AK7: variants seen among roughly 807,000 people sequenced by gnomAD.
The protein encoded by AK7 is adenylate kinase 7.
AK7 carries 78 observed loss-of-function variants against 96.6 expected under a neutral mutation model. The ratio of observed to expected loss-of-function variants is 0.81; its 90% CI spans 0.67 to 0.97. The LOEUF is 0.97. Among genes scored for constraint, AK7 ranks in the 50% least tolerant of loss-of-function variants. AK7 has a pLI of 0.00. For synonymous variants in AK7, 302 were observed against 317.2 expected, an observed-to-expected ratio of 0.95 and a Z score of 0.51; for missense variants, 855 against 887.9, an observed-to-expected ratio of 0.96 and a Z score of 0.47.
chr14:96,469,127 G>A (rs1368644366), intron 12 of AK7, among the ~76,000 whole-genome samples: 2 of 152,190 alleles, frequency 1.3e-5, no homozygotes, highest in African/African-American at 2.4e-5. Flanking sequence ...GAGTGGCTAA[G>A]CTCAGGGCCT....
chr14:96,482,103 G>A (rs939215534), intron 15 of AK7, among the ~76,000 whole-genome samples: 9 of 152,222 alleles, frequency 5.9e-5, no homozygotes, highest in South Asian at 4.1e-4. Flanking sequence ...TCTAGGTCAA[G>A]GTCATACAAA....
chr14:96,471,950 C>T (rs577252884), intron 13 of AK7, among the ~76,000 whole-genome samples: 1 of 152,262 alleles, frequency 6.6e-6, no homozygotes, highest in African/African-American at 2.4e-5. Context: ...AGAGCTTATG[C>T]ATCTTGCCTG....
chr14:96,421,029 AG>A (rs1319643175), intron 5 of AK7, 97 bp downstream of exon 5: 1 of 822,640 alleles, frequency 1.2e-6, no homozygotes, highest in Non-Finnish European at 2.0e-6. Flanking sequence ...TCTGAGCTTT[AG>A]GCTCACCCCA....
chr14:96,444,722 T>C (rs925882007), intron 7 of AK7, among the ~76,000 whole-genome samples: 1 of 152,042 alleles, frequency 6.6e-6, no homozygotes, highest in Non-Finnish European at 1.5e-5. Flanking sequence ...TTTCCTTTTT[T>C]TTTTTTTCCT....
chr14:96,418,916 T>C (rs895678547), intron 4 of AK7, among the ~76,000 whole-genome samples: 1 of 152,248 alleles, frequency 6.6e-6, no homozygotes, highest in Non-Finnish European at 1.5e-5. Flanking sequence ...CTTAGACCAA[T>C]GTATTGTGAT....
chr14:96,483,377 A>G (rs1019324022), intron 16 of AK7, among the ~76,000 whole-genome samples, 158 bp downstream of exon 16: 8 of 150,850 alleles, frequency 5.3e-5, no homozygotes, highest in African/African-American at 1.7e-4. Flanking sequence ...CATTTGTACC[A>G]TTTAAAAAAG....
At chr14:96,471,396 A>ATT in intron 12 of AK7, 82 bp from the exon 13 acceptor site, 1 of 852,168 alleles carries the variant, frequency 1.2e-6, no homozygotes, top group Non-Finnish European at 1.6e-6. Context: ...CTACACAACA[A>ATT]TTTTTGAGAT....
At chr14:96,449,764 C>T in intron 8 of AK7, 38 bp from the exon 9 acceptor site, 1 of 1,504,976 alleles carries the variant, frequency 6.6e-7, no homozygotes, top group African/African-American at 1.4e-5. Flanking sequence ...TAAAACCTTC[C>T]AGGTAAACCA....
chr14:96,451,028 T>C (rs985431892), intron 9 of AK7, among the ~76,000 whole-genome samples: 1 of 148,654 alleles, frequency 6.7e-6, no homozygotes, highest in Non-Finnish European at 1.5e-5. Context: ...CCCGCCTTGG[T>C]CTCCCAAAGT....
At chr14:96,398,449 C>G (rs139112163) in intron 2 of AK7, 186 bp downstream of exon 2, 9 of 636,086 alleles carry the variant, frequency 1.4e-5, no homozygotes, top group Non-Finnish European at 1.9e-5. Flanking sequence ...AATTTTCGGC[C>G]AAAGCAAAGA....
chr14:96,448,533 G>T (rs1893377045), intron 8 of AK7, among the ~76,000 whole-genome samples: 1 of 149,946 alleles, frequency 6.7e-6, no homozygotes, highest in African/African-American at 2.4e-5. Flanking sequence ...GAGAGGCTAA[G>T]GTGCGAGGAT....
chr14:96,422,466 G>A (rs1279623357), intron 5 of AK7, among the ~76,000 whole-genome samples: 2 of 152,236 alleles, frequency 1.3e-5, no homozygotes, highest in African/African-American at 2.4e-5. Flanking sequence ...ATGGCAAGAT[G>A]AGGGTGTTTA....
At chr14:96,487,763 T>C (rs1895856820) in intron 17 of AK7, among the ~76,000 whole-genome samples, 1 of 152,002 alleles carries the variant, frequency 6.6e-6, no homozygotes, top group Non-Finnish European at 1.5e-5. Flanking sequence ...CCAGTTGAGA[T>C]AGCAAAATTA....
intron 6 of AK7, among the ~76,000 whole-genome samples, chr14:96,441,076 A>G (rs928222199): frequency 6.6e-6 from 1 of 152,166 alleles, no homozygotes; most frequent in Non-Finnish European, 1.5e-5. Context: ...GCTGTTCGAC[A>G]TGAGGGAAGG....
Position 96,446,514 on chromosome 14 carries a change from CAG to C in AK7, c.780_781del. 2 of 1,613,734 alleles carry C rather than the reference CAG, an allele frequency of 1.2e-6. No homozygotes were observed. The highest frequency in any genetic ancestry group is 8.5e-7 in the Non-Finnish European group (1 of 1,179,664). ...GATGATTATTTTACCTGTGGGTCTG[CAG>C]AGTGATACAAAACGTCATAGATCAC... On this transcript the variant is annotated splice_acceptor_variant, in intron 7 of 17. Transcript: ENST00000267584. LOFTEE classifies it high-confidence loss of function.
In AK7 at chr14:96,458,064, A is replaced by G. The variant is rs370530340; in HGVS notation, c.1228-19A>G. On this transcript the variant is annotated intron_variant, in intron 11 of 17. Transcript: ENST00000267584. ...GGATGTGGGGCATCATCCAATGTGA[A>G]TATCCCTGTGGTATGCAGGAGGCGA... 4 of 1,610,464 alleles carry G rather than the reference A, an allele frequency of 2.5e-6. No individual in the cohort carries two copies. The highest frequency in any genetic ancestry group is 3.4e-6 in the Non-Finnish European group (4 of 1,178,512).
chr14:96,423,803 G>T, intron 5 of AK7: 2 of 753,630 alleles, frequency 2.7e-6, no homozygotes, highest in Non-Finnish European at 2.5e-6. Context: ...ACGGGGGGAC[G>T]CCACCTTGAA....
intron 5 of AK7, 54 bp from the exon 6 acceptor site, chr14:96,437,781 A>G: frequency 7.4e-7 from 1 of 1,355,284 alleles, no homozygotes; most frequent in Non-Finnish European, 1.0e-6. Flanking sequence ...AATCTGGTTC[A>G]GTATGACTAA....
At chr14:96,415,734 T>C (rs1281175930) in intron 4 of AK7, among the ~76,000 whole-genome samples, 1 of 149,948 alleles carries the variant, frequency 6.7e-6, no homozygotes, top group Non-Finnish European at 1.5e-5. Context: ...TAAATTTTAA[T>C]ACATTAATTA....
Sources: gnomAD v4.1 joint callset for allele counts (sites outside exome capture counted in the v4.1 genomes callset) on GRCh38, gnomAD v4.1.1 for gene constraint, MANE v1.5 for transcripts, NCBI Gene and HGNC (gene_info 2026-07-23, HGNC 2026-07-21) for gene names.